RASL12: variants seen among roughly 807,000 people sequenced by gnomAD.
RASL12 encodes RAS like family 12, also known as ras-like protein family member 12.
A neutral mutation model predicts 22.9 loss-of-function variants in RASL12; 16 were observed. The observed-to-expected ratio is 0.70, with a 90% CI of 0.47 to 1.06. The LOEUF is 1.06. Ranked by LOEUF, RASL12 falls within the 50% of genes least tolerant of loss-of-function variation. The pLI, the probability that RASL12 is intolerant of heterozygous loss-of-function variation, is 0.00. For missense variants in RASL12, 306 were observed against 353.1 expected, an observed-to-expected ratio of 0.87 and a Z score of 1.07; for synonymous variants, 159 against 152.2, an observed-to-expected ratio of 1.04 and a Z score of -0.33.
intron 3 of RASL12, 96 bp from the exon 4 acceptor site, chr15:65,058,713 C>G: frequency 1.1e-6 from 1 of 906,012 alleles, no homozygotes; most frequent in East Asian, 3.0e-5. Flanking sequence ...ACTCCCCGGT[C>G]TTTGTATATT....
rs771875417 is a variant in RASL12 at position 65,059,402 on chromosome 15, G to A, written c.177C>T (p.Ser59=). 40 of 1,613,750 alleles carry A rather than the reference G, an allele frequency of 2.5e-5. No individual in the cohort carries two copies. Among genetic ancestry groups the A allele is most frequent in the Middle Eastern group, 1.7e-4 (1 of 5,916 alleles). ...CAGGCTGGTGGTCCACAGTCTCCTC[G>A]GAGCTGTAGGTGTCCTCTACAACAC... The part of the protein sequence containing the change: ...YDPNLEDTYS[S]EETVDHQPVH... The change falls in exon 3 of 5, where the codon TCC becomes TCT. Residue 59 remains serine, a synonymous_variant. Transcript: ENST00000220062.
In RASL12 at chr15:65,067,726, C is replaced by A. The variant is rs1785772013; in HGVS notation, c.103+7G>T. 2 of 1,552,918 alleles carry A rather than the reference C, an allele frequency of 1.3e-6. No individual in the cohort carries two copies. Among genetic ancestry groups the A allele is most frequent in the African/African-American group, 2.8e-5 (2 of 71,896 alleles). On this transcript the variant is annotated splice_region_variant and intron_variant, in intron 1 of 4. Coordinates refer to ENST00000220062, the MANE Select transcript of RASL12 (RefSeq NM_016563.4). Reference sequence around the variant, plus strand: ...CTTGGCGGCTCAGGCTCCCCGGCGCCACTCACCAGACTTGCCAGCCCCGCG... The same window carrying A: ...CTTGGCGGCTCAGGCTCCCCGGCGCAACTCACCAGACTTGCCAGCCCCGCG...
intron 3 of RASL12, among the ~76,000 whole-genome samples, chr15:65,059,004 G>A (rs1336811436): frequency 6.6e-6 from 1 of 152,218 alleles, no homozygotes; most frequent in African/African-American, 2.4e-5. Context: ...GGGGAGACTT[G>A]TGTGTGGGAG....
chr15:65,051,684 G>C, downstream of RASL12: 1 of 1,354,876 alleles, frequency 7.4e-7, no homozygotes, highest in Admixed American at 1.8e-5. Flanking sequence ...ATCTAGAGAG[G>C]GGTCACTTAG....
At chr15:65,058,311 C>A in intron 4 of RASL12, 116 bp downstream of exon 4, 1 of 803,256 alleles carries the variant, frequency 1.2e-6, no homozygotes, top group Non-Finnish European at 1.8e-6. Context: ...ATCCCTTCTA[C>A]CACAATTCAA....
upstream of RASL12, chr15:65,068,291 T>C: frequency 1.0e-6 from 1 of 985,202 alleles, no homozygotes; most frequent in South Asian, 4.7e-5. The surrounding 1 kb of genome is among the most constrained non-coding windows in gnomAD (Gnocchi z 4.2). Flanking sequence ...CTCAATCTCT[T>C]TTCACCAGCA....
intron 1 of RASL12, among the ~76,000 whole-genome samples, chr15:65,073,439 C>A (rs1341849435): frequency 1.3e-5 from 2 of 152,140 alleles, no homozygotes; most frequent in Admixed American, 1.3e-4. Context: ...CTAGATACCT[C>A]CCACATGCAG....
At chr15:65,067,624 G>A (rs2086894109) in intron 1 of RASL12, 109 bp downstream of exon 1, 2 of 1,306,450 alleles carry the variant, frequency 1.5e-6, no homozygotes, top group Non-Finnish European at 2.0e-6. Context: ...CTGGGTGAAG[G>A]AAGCTCCCCA....
intron 2 of RASL12, among the ~76,000 whole-genome samples, chr15:65,062,075 A>G (rs2086815125): frequency 6.6e-6 from 1 of 151,850 alleles, no homozygotes; most frequent in Non-Finnish European, 1.5e-5. Context: ...AAAAAAAAAA[A>G]AAAAAGAAAT....
intron 2 of RASL12, among the ~76,000 whole-genome samples, chr15:65,060,141 G>A (rs1566954606): frequency 6.6e-6 from 1 of 152,200 alleles, no homozygotes; most frequent in East Asian, 1.9e-4. Flanking sequence ...GCTGTGCTAA[G>A]TGCTTGACAT....
At chr15:65,051,236 C>T (rs938615642), downstream of RASL12, among the ~76,000 whole-genome samples, 3 of 152,180 alleles carry the variant, frequency 2.0e-5, no homozygotes, top group African/African-American at 4.8e-5. Flanking sequence ...TCCTGCCCTC[C>T]GTAGGCCTCT....
At chr15:65,049,815 G>T, downstream of RASL12, 1 of 483,324 alleles carries the variant, frequency 2.1e-6, no homozygotes, top group Non-Finnish European at 3.7e-6. Flanking sequence ...ATAACTTTGG[G>T]CCAGAGGAGA....
At chr15:65,055,399 G>T in intron 4 of RASL12, 125 bp from the exon 5 acceptor site, 1 of 777,326 alleles carries the variant, frequency 1.3e-6, no homozygotes, top group Non-Finnish European at 2.0e-6. Context: ...ACCTCTCTGA[G>T]TCTCAGCGTT....
chr15:65,069,692 G>T (rs1225299897), upstream of RASL12, among the ~76,000 whole-genome samples: 1 of 152,202 alleles, frequency 6.6e-6, no homozygotes, highest in Non-Finnish European at 1.5e-5. Context: ...AGTTAGAAGG[G>T]ACTGTCTTTG....
At chr15:65,046,171 G>A in the RASL12 span, among the ~76,000 whole-genome samples, 3 of 152,276 alleles carry the variant, frequency 2.0e-5, no homozygotes, top group South Asian at 6.2e-4. Flanking sequence ...TGTGGTGGCG[G>A]GCACCTATAA....
At chr15:65,045,651 AC>A in the RASL12 span, 1 of 152,256 alleles carries the variant, frequency 6.6e-6, no homozygotes, top group East Asian at 1.9e-4. Context: ...GTCCAATGGC[AC>A]GATGGTTAAG....
At chr15:65,050,159 GT>G, downstream of RASL12, 1 of 1,424,502 alleles carries the variant, frequency 7.0e-7, no homozygotes, top group Non-Finnish European at 9.6e-7. Flanking sequence ...ACAGAGCAGA[GT>G]TTGGCTGAAG....
chr15:65,068,936 C>A (rs1309543151), upstream of RASL12, among the ~76,000 whole-genome samples: 1 of 152,222 alleles, frequency 6.6e-6, no homozygotes, highest in Non-Finnish European at 1.5e-5. The surrounding 1 kb of genome is among the most constrained non-coding windows in gnomAD (Gnocchi z 4.2). Context: ...GTGACAGAAT[C>A]AGCCCTGGGC....
chr15:65,076,330 G>A (rs1051496034), intron 1 of RASL12, among the ~76,000 whole-genome samples: 6 of 151,998 alleles, frequency 3.9e-5, no homozygotes, highest in East Asian at 3.9e-4. Context: ...TGAGGCCAGC[G>A]AGACCACAAG....
Sources: gnomAD v4.1 joint callset for allele counts (sites outside exome capture counted in the v4.1 genomes callset) on GRCh38, gnomAD v4.1.1 for gene constraint, Gnocchi (gnomAD v3.1) non-coding constraint, MANE v1.5 for transcripts, NCBI Gene and HGNC (gene_info 2026-07-23, HGNC 2026-07-21) for gene names.